CSMD2: variants seen among roughly 807,000 people sequenced by gnomAD.
The protein encoded by CSMD2 is CUB and Sushi multiple domains 2.
In CSMD2, 130 loss-of-function variants were observed where a neutral mutation model predicts 398.5. That is an observed-to-expected ratio of 0.33 (90% confidence interval 0.28 to 0.38). The LOEUF (loss-of-function observed/expected upper bound fraction) is 0.38. Among genes scored for constraint, CSMD2 ranks in the 10% least tolerant of loss-of-function variants. CSMD2 has a pLI of 1.00. For synonymous variants in CSMD2, 1,828 were observed against 1,908.5 expected, an observed-to-expected ratio of 0.96 and a Z score of 1.10; for missense variants, 3,829 against 4,764.9, an observed-to-expected ratio of 0.80 and a Z score of 5.78.
intron 3 of CSMD2, among the ~76,000 whole-genome samples, chr1:33,989,013 CATATATATATATATATAT>C (rs71029018): frequency 0.013 from 1,237 of 94,772 alleles, 45 homozygotes; most frequent in African/African-American, 0.034. Context: ...TCTCTCTCTC[CATATATATATATATATAT>C]ATATATATAT....
chr1:33,881,222 C>T (rs1437911739), intron 5 of CSMD2, among the ~76,000 whole-genome samples: 2 of 152,176 alleles, frequency 1.3e-5, no homozygotes, highest in African/African-American at 4.8e-5. Flanking sequence ...TTCCTGCAAC[C>T]CTCCTCTGTG....
intron 5 of CSMD2, among the ~76,000 whole-genome samples, chr1:33,858,375 C>T (rs1639247658): frequency 6.6e-6 from 1 of 152,108 alleles, no homozygotes; most frequent in Non-Finnish European, 1.5e-5. Flanking sequence ...TTGTTCCTTC[C>T]CAGTTGCTTC....
rs74069184 is a variant in CSMD2, at chr1:33,774,703, C to T, written c.1664-1952G>A. On this transcript the variant is annotated intron_variant, in intron 12 of 70. Coordinates refer to ENST00000373381, the MANE Select transcript of CSMD2 (RefSeq NM_001281956.2). ...AGATATGCACGTGGGGTACATGTGC[C>T]TGTGTTCCTGCCCACAGCAGCTAGT... is the stretch of plus-strand genomic sequence containing the variant. 7.8e-3 allele frequency among the ~76,000 whole-genome samples: 1,194 copies of T among 152,224 alleles called. 25 individuals carry two copies. Among genetic ancestry groups the T allele is most frequent in the African/African-American group, 0.027 (1,131 of 41,520 alleles).
intron 3 of CSMD2, among the ~76,000 whole-genome samples, chr1:33,982,752 C>A (rs116289952): frequency 6.6e-6 from 1 of 152,156 alleles, no homozygotes; most frequent in Non-Finnish European, 1.5e-5. Context: ...GGGCATGGCA[C>A]CCTCAAGGCG....
intron 48 of CSMD2, among the ~76,000 whole-genome samples, chr1:33,579,964 C>A (rs1638579801): frequency 6.6e-6 from 1 of 152,204 alleles, no homozygotes; most frequent in African/African-American, 2.4e-5. Context: ...CAGGCGTGAG[C>A]CACTGCACCT....
At chr1:33,631,550 A>C (rs184146907) in intron 32 of CSMD2, among the ~76,000 whole-genome samples, 83 of 152,298 alleles carry the variant, frequency 5.4e-4, no homozygotes, top group African/African-American at 1.9e-3. Context: ...TGAATATACT[A>C]GTAAAGACCA....
intron 12 of CSMD2, among the ~76,000 whole-genome samples, chr1:33,784,554 C>T (rs1653274217): frequency 6.6e-6 from 1 of 152,240 alleles, no homozygotes; most frequent in Non-Finnish European, 1.5e-5. Context: ...CTGATTCTGC[C>T]TCCTGCCACT....
chr1:33,585,115 C>T (rs1212084350), intron 46 of CSMD2, among the ~76,000 whole-genome samples: 3 of 152,198 alleles, frequency 2.0e-5, no homozygotes, highest in Admixed American at 1.3e-4. Context: ...GTACATTGTT[C>T]TTTCAGTACA....
intron 5 of CSMD2, among the ~76,000 whole-genome samples, chr1:33,913,642 C>T (rs1184760346): frequency 6.6e-6 from 1 of 152,196 alleles, no homozygotes; most frequent in Non-Finnish European, 1.5e-5. Flanking sequence ...GATGACACAA[C>T]TACTGAGAGG....
chr1:33,835,647 T>A (rs1660135023), intron 6 of CSMD2, among the ~76,000 whole-genome samples: 1 of 120,096 alleles, frequency 8.3e-6, no homozygotes, highest in Non-Finnish European at 1.7e-5. Flanking sequence ...AAACTTAAAG[T>A]ATAATAATAA....
At chr1:34,117,127 A>G (rs1249510415) in intron 1 of CSMD2, among the ~76,000 whole-genome samples, 1 of 152,114 alleles carries the variant, frequency 6.6e-6, no homozygotes, top group Non-Finnish European at 1.5e-5. Context: ...AAAAGGAACA[A>G]AATCATAAAG....
chr1:33,718,380 G>A (rs574913881), intron 19 of CSMD2, among the ~76,000 whole-genome samples: 1 of 152,360 alleles, frequency 6.6e-6, no homozygotes, highest in Admixed American at 6.5e-5. Context: ...ATGCACATGG[G>A]CCATGCCCCA....
At chr1:33,589,961 C>G (rs746584661) in intron 44 of CSMD2, among the ~76,000 whole-genome samples, 1 of 151,890 alleles carries the variant, frequency 6.6e-6, no homozygotes, top group African/African-American at 2.4e-5. Context: ...AAAATTGGTG[C>G]CTTCCATTCT....
intron 3 of CSMD2, among the ~76,000 whole-genome samples, chr1:33,946,880 C>T (rs1644857217): frequency 6.6e-6 from 1 of 152,002 alleles, no homozygotes; most frequent in Non-Finnish European, 1.5e-5. Flanking sequence ...AGTGATCCAC[C>T]TGCCTTAGCC....
chr1:34,139,099 T>C (rs6683812), intron 1 of CSMD2, among the ~76,000 whole-genome samples: 112,939 of 152,058 alleles, frequency 0.74, 44,490 homozygotes, highest in Non-Finnish European at 0.87. Flanking sequence ...ATTTGAATGT[T>C]TGTCCCATCC....
intron 1 of CSMD2, among the ~76,000 whole-genome samples, chr1:34,109,248 G>T (rs994036381): frequency 2.6e-5 from 4 of 152,176 alleles, no homozygotes; most frequent in African/African-American, 7.2e-5. Flanking sequence ...ACATATAAAG[G>T]AAAGGGTTTT....
chr1:34,117,722 A>G (rs557919042), intron 1 of CSMD2, among the ~76,000 whole-genome samples: 2 of 152,288 alleles, frequency 1.3e-5, no homozygotes, highest in African/African-American at 4.8e-5. Flanking sequence ...AAAATCCTCA[A>G]CAAAATACTA....
chr1:33,719,198 T>C lies in CSMD2; in HGVS notation c.3002-2697A>G, dbSNP rs148226895. ...GCTCTACTCCTGACATACAAACATG[T>C]CTGCAAATGAGAAAACTGTTCTCAG... On this transcript the variant is annotated intron_variant, in intron 19 of 70. Coordinates refer to ENST00000373381, the MANE Select transcript of CSMD2 (RefSeq NM_001281956.2). 1.6e-4 allele frequency among the ~76,000 whole-genome samples: 24 copies of C among 152,318 alleles called. 1 individual carries two copies. The East Asian group carries it at 3.7e-3, about 23-fold the overall frequency.
At chr1:33,790,947 T>A (rs1654233304) in intron 11 of CSMD2, among the ~76,000 whole-genome samples, 1 of 152,220 alleles carries the variant, frequency 6.6e-6, no homozygotes, top group Admixed American at 6.5e-5. Flanking sequence ...GGGCTCACAT[T>A]CCATTCCTTT....
Sources: gnomAD v4.1 joint callset for allele counts (sites outside exome capture counted in the v4.1 genomes callset) on GRCh38, gnomAD v4.1.1 for gene constraint, MANE v1.5 for transcripts, NCBI Gene and HGNC (gene_info 2026-07-23, HGNC 2026-07-21) for gene names.